SCYL1: variants seen among roughly 807,000 people sequenced by gnomAD.
SCYL1 encodes the protein SCY1 like pseudokinase 1, also known as N-terminal kinase-like protein.
SCYL1 carries 85 observed loss-of-function variants against 94.8 expected under a neutral mutation model. The observed-to-expected ratio is 0.90, with a 90% CI of 0.75 to 1.07. SCYL1 has a LOEUF of 1.07. Ranked by LOEUF, SCYL1 falls within the 50% of genes least tolerant of loss-of-function variation. The pLI, the probability that SCYL1 is intolerant of heterozygous loss-of-function variation, is 0.00. For synonymous variants in SCYL1, 459 were observed against 435.5 expected (o/e 1.05, Z -0.67); for missense variants, 968 against 1,083.3 (o/e 0.89, Z 1.49).
At chr11:65,535,523 C>A in intron 10 of SCYL1, 141 bp downstream of exon 10, 1 of 1,112,736 alleles carries the variant, frequency 9.0e-7, no homozygotes, top group Non-Finnish European at 1.3e-6. Flanking sequence ...TATCTGGGTT[C>A]CCAGAGGAGG....
In SCYL1 at chr11:65,538,276, C is replaced by A. The variant is rs775772873; in HGVS notation, c.2254C>A (p.Pro752Thr). The change falls in exon 17 of 18, where the codon CCA becomes ACA. Residue 752 changes from proline to threonine, a missense_variant. By Grantham distance (38) the Pro-to-Thr change is conservative (BLOSUM62 -1). Coordinates refer to ENST00000270176, the MANE Select transcript of SCYL1 (RefSeq NM_020680.4). ...LSARPSTQPR[P>T]DSWGEDNWEG... The stretch of plus-strand genomic sequence containing the variant: ...CCCACACTTCTCTTTACAGCCGAGG[C>A]CAGACTCTTGGGGTGAGGACAACTG... 3 of 1,553,200 alleles carry A rather than the reference C, an allele frequency of 1.9e-6. No individual in the cohort carries two copies. The highest frequency in any genetic ancestry group is 2.6e-6 in the Non-Finnish European group (3 of 1,148,028).
rs963952535 is a variant in SCYL1, at chr11:65,526,510, C to T, written c.602+160C>T. 8.5e-5 allele frequency among the ~76,000 whole-genome samples: 13 copies of T among 152,192 alleles called. No homozygotes were observed. Among genetic ancestry groups the T allele is most frequent in the Admixed American group, 8.5e-4 (13 of 15,274 alleles). ...GGGACACTCCTCTGCCCCCAGGGTCCTCAGGGCGGTAGGGCGGGATGGACA... is the reference window on the plus strand; with the variant it reads ...GGGACACTCCTCTGCCCCCAGGGTCTTCAGGGCGGTAGGGCGGGATGGACA... On this transcript the variant is annotated intron_variant, in intron 4 of 17. Coordinates refer to ENST00000270176, the MANE Select transcript of SCYL1 (RefSeq NM_020680.4). The surrounding 1 kb of genome is among the most constrained non-coding windows in gnomAD (Gnocchi z 4.1).
chr11:65,527,019 C>T lies in SCYL1; in HGVS notation c.751C>T (p.Arg251Cys), dbSNP rs760039895. The change falls in exon 6 of 18, where the codon CGT (arginine) becomes TGT (cysteine). Residue 251 changes from arginine (R) to cysteine (C), a missense_variant. By Grantham distance (180) the Arg-to-Cys change is radical. Transcript: ENST00000270176. ...GCTGGTGGGAGCAAACCCCAAGGTG[C>T]GTCCCAACCCAGCCCGCTTCCTGCA... Reference protein sequence around the residue: ...CELVGANPKVRPNPARFLQNC... With the variant: ...CELVGANPKVCPNPARFLQNC... 9.9e-6 allele frequency: 16 copies of T among 1,613,396 alleles called. No homozygotes were observed. Among genetic ancestry groups the T allele is most frequent in the Admixed American group, 1.7e-5 (1 of 59,988 alleles).
intron 9 of SCYL1, among the ~76,000 whole-genome samples, chr11:65,533,550 G>T (rs1272959162): frequency 6.6e-6 from 1 of 152,182 alleles, no homozygotes; most frequent in Non-Finnish European, 1.5e-5. Flanking sequence ...AGGCCGAGGT[G>T]GGAGGATCGC....
At position 65,526,491 on chromosome 11, in the gene SCYL1, C is replaced by A; in HGVS notation, c.602+141C>A. On this transcript the variant is annotated intron_variant, in intron 4 of 17. Coordinates refer to ENST00000270176, the MANE Select transcript of SCYL1 (RefSeq NM_020680.4). This position sits in a 1 kb window ranked among gnomAD's most constrained non-coding sequence, Gnocchi z 4.1. Reference sequence around the variant, plus strand: ...ATCAGTGTCCCAGGAGTGAGGGACACTCCTCTGCCCCCAGGGTCCTCAGGG... The same window carrying A: ...ATCAGTGTCCCAGGAGTGAGGGACAATCCTCTGCCCCCAGGGTCCTCAGGG... 1.3e-6 allele frequency: 1 copy of A among 752,684 alleles called. No individual in the cohort carries two copies. The highest frequency in any genetic ancestry group is 2.2e-6 in the Non-Finnish European group (1 of 465,094). 46.6% of individuals were successfully genotyped at this position (752,684 alleles called of 1,614,324 possible).
intron 10 of SCYL1, 72 bp from the exon 11 acceptor site, chr11:65,535,881 A>T (rs1590740156): frequency 7.0e-7 from 1 of 1,430,000 alleles, no homozygotes; most frequent in East Asian, 2.3e-5. Flanking sequence ...CATTCTGGGA[A>T]GTAAGGGCTG....
rs1205542133 is a variant in SCYL1 at position 65,537,799 on chromosome 11, C to T, written c.1960-10C>T. 2 of 1,551,870 alleles carry T rather than the reference C, an allele frequency of 1.3e-6. No homozygotes were observed. The highest frequency in any genetic ancestry group is 1.8e-4 in the Middle Eastern group (1 of 5,502). ...GGGGTGGGAGTCAGTGGTCCCTTCC[C>T]ACACTGCAGCAGGAGGCCGAGTCTG... On this transcript the variant is annotated splice_polypyrimidine_tract_variant and intron_variant, in intron 14 of 17. Transcript: ENST00000270176.
chr11:65,532,136 G>A (rs1486817966), intron 8 of SCYL1, among the ~76,000 whole-genome samples: 1 of 152,142 alleles, frequency 6.6e-6, no homozygotes, highest in African/African-American at 2.4e-5. Flanking sequence ...TTATAGAAGA[G>A]GCTCAGGCTG....
At chr11:65,537,259 C>T (rs1356734356) in intron 14 of SCYL1, 131 bp downstream of exon 14, 7 of 1,011,696 alleles carry the variant, frequency 6.9e-6, no homozygotes, top group East Asian at 2.6e-5. Context: ...GCACGTAGGC[C>T]TCATGGAGTG....
intron 13 of SCYL1, 101 bp from the exon 14 acceptor site, chr11:65,536,885 G>T (rs948595972): frequency 3.4e-5 from 44 of 1,292,366 alleles, no homozygotes; most frequent in Non-Finnish European, 7.7e-6. Context: ...TCACCCTGTG[G>T]GCTTCCTTGG....
intron 6 of SCYL1, among the ~76,000 whole-genome samples, chr11:65,527,642 G>A (rs1220513614): frequency 1.4e-5 from 2 of 145,582 alleles, no homozygotes; most frequent in South Asian, 2.1e-4. Context: ...TGAGGTAGGA[G>A]AATCACTTGA....
At chr11:65,528,927 C>T (rs543046416) in intron 6 of SCYL1, among the ~76,000 whole-genome samples, 12 of 152,106 alleles carry the variant, frequency 7.9e-5, no homozygotes, top group African/African-American at 2.2e-4. Context: ...GGCGACAGCA[C>T]GTGGAGAGAT....
Position 65,527,060 on chromosome 11 carries a change from T to G in SCYL1, c.792T>G (p.Pro264=). ...PARFLQNCRA[P]GGFMSNRFVE... ...GCTTCCTGCAGAACTGCCGGGCACCTGGTGGCTTCATGAGCAACCGCTTTG... is the reference window on the plus strand; with the variant it reads ...GCTTCCTGCAGAACTGCCGGGCACCGGGTGGCTTCATGAGCAACCGCTTTG... Residue 264 remains proline (P), a synonymous_variant, in exon 6 of 18, where the codon CCT becomes CCG. Coordinates refer to ENST00000270176, the MANE Select transcript of SCYL1 (RefSeq NM_020680.4). 1 of 1,613,642 alleles carries G rather than the reference T, an allele frequency of 6.2e-7. No homozygotes were observed. Among genetic ancestry groups the G allele is most frequent in the Non-Finnish European group, 8.5e-7 (1 of 1,180,012 alleles).
intron 9 of SCYL1, chr11:65,533,016 A>G: frequency 1.8e-6 from 1 of 549,640 alleles, no homozygotes; most frequent in South Asian, 2.0e-5. Context: ...TCCTGGCCCA[A>G]GCCCCATGCT....
Position 65,536,242 on chromosome 11 carries a change from G to A in SCYL1, c.1576-17G>A. The A allele has an allele frequency of 3.1e-6, 5 of 1,612,496 alleles. No individual in the cohort carries two copies. Among genetic ancestry groups the A allele is most frequent in the Non-Finnish European group, 4.2e-6 (5 of 1,178,684 alleles). On this transcript the variant is annotated splice_polypyrimidine_tract_variant and intron_variant, in intron 11 of 17. Transcript: ENST00000270176. ...TGGGAACCCCAGAGACCCCAGCTCT[G>A]CCTCGTTACCCCACAGGCCTTCAAG...
chr11:65,531,372 C>A (rs889413760), intron 7 of SCYL1, among the ~76,000 whole-genome samples: 1 of 152,148 alleles, frequency 6.6e-6, no homozygotes, highest in Non-Finnish European at 1.5e-5. Flanking sequence ...CTTTCATCAG[C>A]CTCCTGAAAG....
Position 65,526,119 on chromosome 11 carries a change from C to T in SCYL1, c.376-5C>T, listed in dbSNP as rs1855063637. ...CTGGGGCGTGATGGCTCCTTTTGCC[C>T]CCAGAAAGCCCTCAGCTTCCTGGTC... On this transcript the variant is annotated splice_polypyrimidine_tract_variant and splice_region_variant and intron_variant, in intron 3 of 17. Coordinates refer to ENST00000270176, the MANE Select transcript of SCYL1 (RefSeq NM_020680.4). This position sits in a 1 kb window ranked among gnomAD's most constrained non-coding sequence, Gnocchi z 4.1. 1 of 1,612,660 alleles carries T rather than the reference C, an allele frequency of 6.2e-7. No homozygotes were observed. Among genetic ancestry groups the T allele is most frequent in the Admixed American group, 1.7e-5 (1 of 59,968 alleles).
rs1220340468 is a variant in SCYL1 at position 65,526,104 on chromosome 11, A to G, written c.376-20A>G. ...GGGGGGTTGCAGGTGCTGGGGCGTGATGGCTCCTTTTGCCCCCAGAAAGCC... is the reference window on the plus strand; with the variant it reads ...GGGGGGTTGCAGGTGCTGGGGCGTGGTGGCTCCTTTTGCCCCCAGAAAGCC... On this transcript the variant is annotated intron_variant, in intron 3 of 17. Coordinates refer to ENST00000270176, the MANE Select transcript of SCYL1 (RefSeq NM_020680.4). The surrounding 1 kb of genome is among the most constrained non-coding windows in gnomAD (Gnocchi z 4.1). The G allele has an allele frequency of 2.5e-6, 4 of 1,612,428 alleles. No individual in the cohort carries two copies. The highest frequency in any genetic ancestry group is 3.4e-6 in the Non-Finnish European group (4 of 1,179,536).
chr11:65,535,665 A>C (rs947127279), intron 10 of SCYL1: 15 of 581,642 alleles, frequency 2.6e-5, no homozygotes, highest in Admixed American at 2.2e-4. Flanking sequence ...CCAGACAGTT[A>C]ACAGGAATGA....
Sources: allele counts gnomAD v4.1 joint callset (sites outside exome capture counted in the v4.1 genomes callset), GRCh38; gene constraint gnomAD v4.1.1; non-coding constraint Gnocchi (gnomAD v3.1); transcripts MANE v1.5; gene names NCBI Gene and HGNC (gene_info 2026-07-23, HGNC 2026-07-21).